KCNC2: variants seen among roughly 807,000 people sequenced by gnomAD.
KCNC2 encodes voltage-gated potassium channel KCNC2.
KCNC2 carries 21 observed loss-of-function variants against 44.5 expected under a neutral mutation model. That is an observed-to-expected ratio of 0.47 (90% confidence interval 0.33 to 0.68). The LOEUF (loss-of-function observed/expected upper bound fraction) is 0.68, where lower values mean the gene tolerates loss of function less well. Among genes scored for constraint, KCNC2 ranks in the 30% least tolerant of loss-of-function variants. The pLI is 0.01. For synonymous variants in KCNC2, 391 were observed against 339.1 expected, an observed-to-expected ratio of 1.15 and a Z score of -1.68; for missense variants, 589 against 826.2, an observed-to-expected ratio of 0.71 and a Z score of 3.52.
intron 2 of KCNC2, among the ~76,000 whole-genome samples, chr12:75,163,632 G>T (rs1203179330): frequency 6.6e-6 from 1 of 151,628 alleles, no homozygotes; most frequent in Non-Finnish European, 1.5e-5. Context: ...TGCTACTTAC[G>T]CACGCCAATC....
intron 2 of KCNC2, among the ~76,000 whole-genome samples, chr12:75,084,124 G>A (rs573584876): frequency 6.6e-6 from 1 of 151,846 alleles, no homozygotes. Flanking sequence ...AAAATGTGGA[G>A]GTCAAGGAAA....
At chr12:75,124,661 A>T (rs974574708) in intron 2 of KCNC2, 3 of 152,228 alleles carry the variant, frequency 2.0e-5, no homozygotes, top group African/African-American at 4.8e-5. Context: ...CATAAAATTT[A>T]AAATTTTTTT....
chr12:75,140,308 A>G (rs201743259), intron 2 of KCNC2: 1 of 8 alleles, frequency 0.12, no homozygotes, highest in Non-Finnish European at 0.25. Context: ...GGCCAAAAAA[A>G]AAATCATTAG....
intron 2 of KCNC2, among the ~76,000 whole-genome samples, chr12:75,120,700 C>T (rs1333100232): frequency 6.6e-6 from 1 of 152,070 alleles, no homozygotes; most frequent in Non-Finnish European, 1.5e-5. Flanking sequence ...AATTACCCTC[C>T]CAGGAAAGGC....
At chr12:75,182,669 A>T (rs567363004) in intron 2 of KCNC2, among the ~76,000 whole-genome samples, 1 of 152,278 alleles carries the variant, frequency 6.6e-6, no homozygotes, top group South Asian at 2.1e-4. Context: ...GATTTTTAGA[A>T]AGGCAATATG....
chr12:75,132,481 T>C (rs1458625), intron 2 of KCNC2, among the ~76,000 whole-genome samples: 17,417 of 152,204 alleles, frequency 0.11, 1,144 homozygotes, highest in African/African-American at 0.16. Context: ...AATATTTTTG[T>C]ATGCTTGACA....
intron 2 of KCNC2, among the ~76,000 whole-genome samples, chr12:75,055,824 AT>A: frequency 6.6e-6 from 1 of 152,166 alleles, no homozygotes; most frequent in East Asian, 1.9e-4. Flanking sequence ...CAATGCAAAT[AT>A]TTAAGCAAAT....
At chr12:75,208,385 A>C (rs1593105411) in intron 1 of KCNC2, among the ~76,000 whole-genome samples, 2 of 133,342 alleles carry the variant, frequency 1.5e-5, no homozygotes, top group African/African-American at 2.9e-5. Flanking sequence ...TGCCTCCCCA[A>C]ACACACTCTC....
At chr12:75,102,038 G>T (rs144972491) in intron 2 of KCNC2, among the ~76,000 whole-genome samples, 20 of 152,094 alleles carry the variant, frequency 1.3e-4, no homozygotes, top group African/African-American at 4.6e-4. Context: ...GATATGTCAA[G>T]AATAATTTCT....
chr12:75,150,049 T>C (rs1445061810), intron 2 of KCNC2, among the ~76,000 whole-genome samples: 3 of 151,882 alleles, frequency 2.0e-5, no homozygotes, highest in African/African-American at 7.2e-5. Context: ...TGAAGTCATT[T>C]GATTATACAA....
chr12:75,082,080 G>A (rs1023473182), intron 2 of KCNC2, among the ~76,000 whole-genome samples: 7 of 151,904 alleles, frequency 4.6e-5, no homozygotes, highest in African/African-American at 1.2e-4. Flanking sequence ...ACAATAGTAC[G>A]TATTTCTTAC....
chr12:75,120,861 T>A (rs1887999485), intron 2 of KCNC2, among the ~76,000 whole-genome samples: 1 of 152,214 alleles, frequency 6.6e-6, no homozygotes, highest in African/African-American at 2.4e-5. Flanking sequence ...ATTGCAATAC[T>A]TTTTCCTTAA....
intron 2 of KCNC2, among the ~76,000 whole-genome samples, chr12:75,084,910 T>TTA (rs370566661): frequency 7.3e-5 from 11 of 150,454 alleles, no homozygotes; most frequent in African/African-American, 1.7e-4. Context: ...ATTATAGATT[T>TTA]TATATATATA....
chr12:75,140,938 T>G (rs903966874), intron 2 of KCNC2, among the ~76,000 whole-genome samples: 2 of 152,006 alleles, frequency 1.3e-5, no homozygotes, highest in African/African-American at 4.8e-5. Context: ...AAAAGCCATC[T>G]CTTCCATTAG....
At chr12:75,159,123 TG>T (rs1228738600) in intron 2 of KCNC2, among the ~76,000 whole-genome samples, 3 of 24,770 alleles carry the variant, frequency 1.2e-4, no homozygotes, top group African/African-American at 3.3e-4. Context: ...TGTCGGAGGG[TG>T]GGGGGGAAAG....
intron 2 of KCNC2, among the ~76,000 whole-genome samples, chr12:75,106,286 G>A (rs1886777315): frequency 6.6e-6 from 1 of 152,160 alleles, no homozygotes; most frequent in Non-Finnish European, 1.5e-5. Flanking sequence ...AGTAAGACTT[G>A]GAGGACAGGG....
At chr12:75,082,297 A>C (rs1884587293) in intron 2 of KCNC2, among the ~76,000 whole-genome samples, 1 of 151,876 alleles carries the variant, frequency 6.6e-6, no homozygotes, top group African/African-American at 2.4e-5. Flanking sequence ...AATAACAATA[A>C]AGGTAATAAT....
rs1333218336 is a variant in KCNC2, at chr12:75,041,455, A to C, written c.*1650T>G. The C allele has an allele frequency of 1.9e-5, 24 of 1,260,118 alleles. No individual in the cohort carries two copies. Among genetic ancestry groups the C allele is most frequent in the Non-Finnish European group, 2.4e-5 (24 of 993,448 alleles). The allele number at this position is 1,260,118 out of a possible 1,614,324, so 78.1% of individuals were successfully genotyped here. A position where few individuals can be genotyped will look rare whatever the true frequency, so the allele number is the denominator to read the frequency against. ...AAAAGTGACAATTGTCTTCCTAACAAAAAATAAACATGAGAAATAGGAATT... is the reference window on the plus strand; with the variant it reads ...AAAAGTGACAATTGTCTTCCTAACACAAAATAAACATGAGAAATAGGAATT... On this transcript the variant is annotated 3_prime_UTR_variant, in exon 5 of 5. Coordinates refer to ENST00000549446, the MANE Select transcript of KCNC2 (RefSeq NM_139137.4).
chr12:75,131,452 T>C (rs1324739704), intron 2 of KCNC2, among the ~76,000 whole-genome samples: 1 of 152,126 alleles, frequency 6.6e-6, no homozygotes, highest in Non-Finnish European at 1.5e-5. Flanking sequence ...GACTTGTGAA[T>C]TTGTTATGTT....
Sources: allele counts gnomAD v4.1 joint callset (sites outside exome capture counted in the v4.1 genomes callset), GRCh38; gene constraint gnomAD v4.1.1; transcripts MANE v1.5; gene names NCBI Gene and HGNC (gene_info 2026-07-23, HGNC 2026-07-21).